Variants in AGAP1 observed in about 807,000 individuals in gnomAD.
AGAP1 encodes arf-GAP with GTPase, ANK repeat and PH domain-containing protein 1.
AGAP1 carries 29 observed loss-of-function variants against 105.3 expected under a neutral mutation model. The ratio of observed to expected loss-of-function variants is 0.28; its 90% CI spans 0.21 to 0.38. The LOEUF (loss-of-function observed/expected upper bound fraction) is 0.38, where lower values mean the gene tolerates loss of function less well. AGAP1 is among the 10% of genes least tolerant of loss of function. The pLI, the probability that AGAP1 is intolerant of heterozygous loss-of-function variation, is 1.00. For missense variants in AGAP1, 998 were observed against 1,165.1 expected (o/e 0.86, Z 2.09); for synonymous variants, 509 against 485.9 (o/e 1.05, Z -0.63).
At chr2:235,727,733 G>A (rs1385958647) in intron 3 of AGAP1, among the ~76,000 whole-genome samples, 1 of 152,192 alleles carries the variant, frequency 6.6e-6, no homozygotes, top group Non-Finnish European at 1.5e-5. Context: ...TGTCAGGAAA[G>A]GGGAGCGATC....
chr2:236,124,289 A>G lies in AGAP1; in HGVS notation c.*167A>G. 2.6e-6 allele frequency: 2 copies of G among 764,024 alleles called. No individual in the cohort carries two copies. Among genetic ancestry groups the G allele is most frequent in the East Asian group, 5.6e-5 (2 of 35,878 alleles). 47.3% of individuals were successfully genotyped at this position (764,024 alleles called of 1,614,324 possible). A position where few individuals can be genotyped will look rare whatever the true frequency, so the allele number is the denominator to read the frequency against. ...CCCCAAACAAAATCACAAAACCTGG[A>G]CATCCCTCAAGGGGCGAAGAGGCGG... On this transcript the variant is annotated 3_prime_UTR_variant, in exon 18 of 18. Transcript: ENST00000304032. This position sits in a 1 kb window ranked among gnomAD's most constrained non-coding sequence, Gnocchi z 5.1.
intron 1 of AGAP1, among the ~76,000 whole-genome samples, chr2:235,656,742 G>T (rs748359757): frequency 2.6e-5 from 4 of 152,142 alleles, no homozygotes; most frequent in Admixed American, 1.3e-4. Flanking sequence ...CTGTAAGGGC[G>T]CACCCTTCTG....
At chr2:235,653,353 A>T (rs1390438967) in intron 1 of AGAP1, among the ~76,000 whole-genome samples, 2 of 151,880 alleles carry the variant, frequency 1.3e-5, no homozygotes. Context: ...GGTCCCAGCT[A>T]CTCGGGAGGC....
chr2:235,898,642 CAA>C (rs1215824227), intron 10 of AGAP1, among the ~76,000 whole-genome samples: 6 of 152,124 alleles, frequency 3.9e-5, no homozygotes, highest in Admixed American at 1.3e-4. Context: ...TTTTATTGGA[CAA>C]GAGTGGTGAG....
chr2:235,555,540 C>T lies in AGAP1; in HGVS notation c.163+60691C>T, dbSNP rs146066717. On this transcript the variant is annotated intron_variant, in intron 1 of 17. Coordinates refer to ENST00000304032, the MANE Select transcript of AGAP1 (RefSeq NM_001037131.3). The surrounding 1 kb of genome is among the most constrained non-coding windows in gnomAD (Gnocchi z 5.1). ...AGCGAAGGCAGCTTATGTCATGTTCCCTCTGCCACCGCCAGCTGTCCTGCA... is the reference window on the plus strand; with the variant it reads ...AGCGAAGGCAGCTTATGTCATGTTCTCTCTGCCACCGCCAGCTGTCCTGCA... Among the ~76,000 whole-genome samples the T allele has an allele frequency of 2.3e-3, 356 of 152,308 alleles. 2 individuals are homozygous for T. Among genetic ancestry groups the T allele is most frequent in the African/African-American group, 8.4e-3 (348 of 41,560 alleles).
intron 1 of AGAP1, among the ~76,000 whole-genome samples, chr2:235,523,705 C>T (rs947513322): frequency 3.9e-5 from 6 of 152,052 alleles, no homozygotes; most frequent in African/African-American, 9.7e-5. Flanking sequence ...ACAGACATGG[C>T]GGGGGGTGGT....
At position 235,651,299 on chromosome 2, in the gene AGAP1, A is replaced by G. The variant is rs1054651356; in HGVS notation, c.164-57880A>G. Among the ~76,000 whole-genome samples the G allele has an allele frequency of 5.3e-5, 8 of 151,694 alleles. No individual in the cohort carries two copies. In the East Asian group the frequency reaches 1.6e-3, roughly 30 times the overall value. On this transcript the variant is annotated intron_variant, in intron 1 of 17. Transcript: ENST00000304032. ...AACGACTCAATGGATGATGATAAAC[A>G]GGAAGTTCTAGTACCACTGAGAAAA... is the stretch of plus-strand genomic sequence containing the variant.
Position 236,051,997 on chromosome 2 carries a change from G to C in AGAP1, c.2114+2716G>C, listed in dbSNP as rs1246121567. ...CTCCGCAAGCCGGTCTGTCCATGAC[G>C]TGAGAAGATTCTGCCTTTCGAAGCC... On this transcript the variant is annotated intron_variant, in intron 16 of 17. Transcript: ENST00000304032. This position sits in a 1 kb window ranked among gnomAD's most constrained non-coding sequence, Gnocchi z 5.9. Among the ~76,000 whole-genome samples, 2 of 152,134 alleles carry C rather than the reference G, an allele frequency of 1.3e-5. No homozygotes were observed. The highest frequency in any genetic ancestry group is 4.8e-5 in the African/African-American group (2 of 41,414).
At chr2:235,686,556 T>TATATAC (rs550721460) in intron 1 of AGAP1, among the ~76,000 whole-genome samples, 1 of 101,826 alleles carries the variant, frequency 9.8e-6, no homozygotes, top group African/African-American at 4.1e-5. Flanking sequence ...GATATATATA[T>TATATAC]ACACACACAC....
chr2:235,496,264 T>A (rs1371981715), intron 1 of AGAP1, among the ~76,000 whole-genome samples: 2 of 152,202 alleles, frequency 1.3e-5, no homozygotes, highest in Non-Finnish European at 2.9e-5. Flanking sequence ...TCCAGCCTTA[T>A]GGGGTCCTAG....
rs115612096 is a variant in AGAP1 at position 235,967,709 on chromosome 2, C to T, written c.1484-753C>T. Among the ~76,000 whole-genome samples, 268 of 152,334 alleles carry T rather than the reference C, an allele frequency of 1.8e-3. 3 individuals carry two copies. The highest frequency in any genetic ancestry group is 0.013 in the South Asian group (65 of 4,828). On this transcript the variant is annotated intron_variant, in intron 12 of 17. Transcript: ENST00000304032. The surrounding 1 kb of genome is among the most constrained non-coding windows in gnomAD (Gnocchi z 4.7). ...CGTTTTCAGTGGGCTTTTTTCCACC[C>T]GGCTTGAATTATATGCGCGTTCTGG... is the stretch of plus-strand genomic sequence containing the variant.
chr2:236,032,150 T>A (rs1468534631), intron 13 of AGAP1, among the ~76,000 whole-genome samples: 1 of 152,166 alleles, frequency 6.6e-6, no homozygotes, highest in African/African-American at 2.4e-5. Context: ...TTATCTGCTA[T>A]CCCCCAAAAC....
chr2:236,008,394 GT>G (rs1425710780), intron 13 of AGAP1, among the ~76,000 whole-genome samples: 7 of 152,298 alleles, frequency 4.6e-5, no homozygotes, highest in African/African-American at 1.7e-4. Context: ...AGAAATTTCT[GT>G]TTTTCACCGA....
At chr2:235,798,099 G>A (rs570928596) in intron 7 of AGAP1, among the ~76,000 whole-genome samples, 3 of 152,226 alleles carry the variant, frequency 2.0e-5, no homozygotes, top group African/African-American at 7.2e-5. Context: ...CATGCTGCCT[G>A]TGTTATGAGG....
At chr2:236,110,871 A>G (rs578218098) in intron 16 of AGAP1, among the ~76,000 whole-genome samples, 79 of 152,292 alleles carry the variant, frequency 5.2e-4, no homozygotes, top group African/African-American at 1.8e-3. Flanking sequence ...TGTCTTGCTC[A>G]CGGTTCTGGA....
At chr2:235,916,598 T>G (rs1246155812) in intron 11 of AGAP1, among the ~76,000 whole-genome samples, 2 of 152,208 alleles carry the variant, frequency 1.3e-5, no homozygotes, top group East Asian at 3.8e-4. Flanking sequence ...CAGACCCTTC[T>G]GAAGTTGTCT....
rs553698108 is a variant in AGAP1, at chr2:236,061,329, C to T, written c.2114+12048C>T. ...AGTTAAACCTAGAGTTACCGTATGA[C>T]CCAGCCATTCCTCCCCCAGGTCTAT... On this transcript the variant is annotated intron_variant, in intron 16 of 17. Coordinates refer to ENST00000304032, the MANE Select transcript of AGAP1 (RefSeq NM_001037131.3). The surrounding 1 kb of genome is among the most constrained non-coding windows in gnomAD (Gnocchi z 4.1). Among the ~76,000 whole-genome samples the T allele has an allele frequency of 5.9e-5, 9 of 152,274 alleles. No homozygotes were observed. In the South Asian group the frequency reaches 8.3e-4, roughly 14 times the overall value.
chr2:235,571,932 T>TTGTG (rs141898525), intron 1 of AGAP1, among the ~76,000 whole-genome samples: 1,291 of 103,632 alleles, frequency 0.012, 41 homozygotes, highest in African/African-American at 0.042. Context: ...TGCCCACACT[T>TTGTG]TGTGTGTGTG....
chr2:235,933,838 G>A (rs1479310117), intron 12 of AGAP1, among the ~76,000 whole-genome samples: 3 of 152,104 alleles, frequency 2.0e-5, no homozygotes, highest in Non-Finnish European at 4.4e-5. Context: ...GCCTTTCTAA[G>A]GATTAATAGT....
Sources: allele counts gnomAD v4.1 joint callset (sites outside exome capture counted in the v4.1 genomes callset), GRCh38; gene constraint gnomAD v4.1.1; non-coding constraint Gnocchi (gnomAD v3.1); transcripts MANE v1.5; gene names NCBI Gene and HGNC (gene_info 2026-07-23, HGNC 2026-07-21).